Variants in GPR149 observed in about 807,000 individuals in gnomAD.
GPR149 encodes G protein-coupled receptor 149, also known as probable G protein-coupled receptor 149.
GPR149 carries 50 observed loss-of-function variants against 50.2 expected under a neutral mutation model. The ratio of observed to expected loss-of-function variants is 1.00; its 90% confidence interval spans 0.79 to 1.26. GPR149 has a LOEUF of 1.26. Among genes scored for constraint, GPR149 ranks in the 50% most tolerant of loss-of-function variants. The probability of loss-of-function intolerance (pLI) is 0.00; values close to 1 mark genes in which losing one functional copy is unlikely to be tolerated. For missense variants in GPR149, 983 were observed against 895.4 expected (o/e 1.10, Z -1.25); for synonymous variants, 405 against 358.2 (o/e 1.13, Z -1.48).
intron 3 of GPR149, among the ~76,000 whole-genome samples, chr3:154,386,959 A>G (rs987115659): frequency 8.2e-6 from 1 of 122,564 alleles, no homozygotes; most frequent in African/African-American, 2.7e-5. Context: ...AAGGAGCTAA[A>G]GTATATTTTT....
chr3:154,364,755 C>G (rs1162986761), intron 3 of GPR149, among the ~76,000 whole-genome samples: 1 of 152,238 alleles, frequency 6.6e-6, no homozygotes. Context: ...TCCAAAGGCC[C>G]TGGGGGATCC....
At chr3:154,381,690 G>A (rs774692973) in intron 3 of GPR149, among the ~76,000 whole-genome samples, 1 of 152,140 alleles carries the variant, frequency 6.6e-6, no homozygotes, top group African/African-American at 2.4e-5. Flanking sequence ...ACTTTAGGAT[G>A]TTTGGTGGAA....
intron 3 of GPR149, among the ~76,000 whole-genome samples, chr3:154,388,037 A>G (rs919523751): frequency 1.3e-5 from 2 of 152,178 alleles, no homozygotes; most frequent in African/African-American, 4.8e-5. Context: ...ATAAAGAAAT[A>G]ATCATTTTTG....
intron 3 of GPR149, among the ~76,000 whole-genome samples, chr3:154,385,923 G>T (rs143226612): frequency 6.6e-6 from 1 of 151,856 alleles, no homozygotes; most frequent in Admixed American, 6.6e-5. Context: ...GGATGGTCTC[G>T]ATCTTCTGAC....
At position 154,353,619 on chromosome 3, in the gene GPR149, C is replaced by T. The variant is rs1714140853; in HGVS notation, c.1624-15348G>A. The T allele has an allele frequency of 9.1e-6, 12 of 1,324,008 alleles. No individual in the cohort carries two copies. In the South Asian group the frequency reaches 1.4e-4, roughly 16 times the overall value. 82.0% of individuals were successfully genotyped at this position (1,324,008 alleles called of 1,614,324 possible). ...TATTGCACCATAAAAACACACCATG[C>T]TGAGTTTCCTAGTTTTATCTTTGAA... On this transcript the variant is annotated intron_variant, in intron 3 of 3. Transcript: ENST00000389740.
intron 3 of GPR149, among the ~76,000 whole-genome samples, chr3:154,358,845 C>T (rs1422882392): frequency 6.6e-6 from 1 of 152,074 alleles, no homozygotes; most frequent in Non-Finnish European, 1.5e-5. Flanking sequence ...CAGGGATGTG[C>T]ATGTCTTATG....
intron 3 of GPR149, among the ~76,000 whole-genome samples, chr3:154,386,971 TC>T (rs1715057717): frequency 1.6e-5 from 1 of 60,692 alleles, no homozygotes; most frequent in Admixed American, 1.7e-4. Flanking sequence ...TATATTTTTC[TC>T]CTTTTTTTTT....
intron 3 of GPR149, among the ~76,000 whole-genome samples, chr3:154,357,949 A>G (rs145181160): frequency 0.024 from 3,689 of 152,300 alleles, 158 homozygotes; most frequent in African/African-American, 0.084. Context: ...ACCATGGAAT[A>G]CTATGCAGCC....
intron 3 of GPR149, among the ~76,000 whole-genome samples, chr3:154,349,644 G>A (rs1474063658): frequency 6.6e-6 from 1 of 152,152 alleles, no homozygotes; most frequent in African/African-American, 2.4e-5. Context: ...TTTCTCTGGA[G>A]AACTCTAGCA....
At chr3:154,342,845 T>C (rs1713828500) in intron 3 of GPR149, among the ~76,000 whole-genome samples, 2 of 152,246 alleles carry the variant, frequency 1.3e-5, no homozygotes, top group Admixed American at 6.5e-5. Context: ...TTTGATTGTG[T>C]ATTTGACTAT....
chr3:154,360,898 C>G (rs567711122), intron 3 of GPR149, among the ~76,000 whole-genome samples: 2 of 152,152 alleles, frequency 1.3e-5, no homozygotes, highest in East Asian at 1.9e-4. Flanking sequence ...ATTCTTAAGA[C>G]AAAACTGAAC....
intron 3 of GPR149, among the ~76,000 whole-genome samples, chr3:154,396,000 T>C (rs1209519972): frequency 6.6e-6 from 1 of 152,164 alleles, no homozygotes; most frequent in Non-Finnish European, 1.5e-5. Flanking sequence ...TGAACCTAAG[T>C]CTAAAAAGCA....
At chr3:154,398,301 G>A (rs976777588) in intron 3 of GPR149, among the ~76,000 whole-genome samples, 7 of 152,172 alleles carry the variant, frequency 4.6e-5, no homozygotes, top group African/African-American at 1.4e-4. Context: ...AATGATTAGG[G>A]AAACCGCCTT....
rs1378190468 is a variant in GPR149 at position 154,336,497 on chromosome 3, A to G, written c.*1202T>C. On this transcript the variant is annotated 3_prime_UTR_variant, in exon 4 of 4. Transcript: ENST00000389740. ...ATACATTTCATATATGTTTACAGGAAGGTTAGAATAAAGCAATTTGAAGGA... is the reference window on the plus strand; with the variant it reads ...ATACATTTCATATATGTTTACAGGAGGGTTAGAATAAAGCAATTTGAAGGA... 5 of 152,134 alleles carry G rather than the reference A, an allele frequency of 3.3e-5. No homozygotes were observed. The highest frequency in any genetic ancestry group is 2.9e-5 in the Non-Finnish European group (2 of 67,952). The allele number at this position is 152,134 out of a possible 1,614,324, so 9.4% of individuals were successfully genotyped here.
intron 3 of GPR149, among the ~76,000 whole-genome samples, chr3:154,340,599 A>G (rs990349996): frequency 6.6e-6 from 1 of 152,234 alleles, no homozygotes; most frequent in East Asian, 1.9e-4. Flanking sequence ...TTCTAAATGT[A>G]GTAATTGAGA....
At chr3:154,383,146 C>A (rs1448739346) in intron 3 of GPR149, among the ~76,000 whole-genome samples, 1 of 152,086 alleles carries the variant, frequency 6.6e-6, no homozygotes, top group Non-Finnish European at 1.5e-5. Context: ...TTATTTATAT[C>A]CTGCTAAAAC....
intron 3 of GPR149, among the ~76,000 whole-genome samples, chr3:154,374,465 A>G (rs1033099991): frequency 3.3e-5 from 5 of 151,952 alleles, no homozygotes; most frequent in African/African-American, 1.2e-4. Context: ...GAGTGAACAC[A>G]CTCAGCCCAA....
intron 3 of GPR149, among the ~76,000 whole-genome samples, chr3:154,374,291 G>A (rs1268407550): frequency 1.3e-5 from 2 of 149,974 alleles, no homozygotes; most frequent in African/African-American, 4.9e-5. Flanking sequence ...TCTTGTGCCT[G>A]AGCCTTCTGA....
chr3:154,412,460 G>A (rs934839324), intron 3 of GPR149, among the ~76,000 whole-genome samples: 1 of 152,018 alleles, frequency 6.6e-6, no homozygotes, highest in Non-Finnish European at 1.5e-5. Context: ...CCTAGAACTG[G>A]TAAATAAATT....
Sources: allele counts gnomAD v4.1 joint callset (sites outside exome capture counted in the v4.1 genomes callset), GRCh38; gene constraint gnomAD v4.1.1; transcripts MANE v1.5; gene names NCBI Gene and HGNC (gene_info 2026-07-23, HGNC 2026-07-21).